The following HACE1 variants were observed in gnomAD, a reference collection of about 807,000 sequenced individuals.
The protein encoded by HACE1 is E3 ubiquitin-protein ligase HACE1.
A neutral mutation model predicts 118.4 loss-of-function variants in HACE1; 73 were observed. That is an observed-to-expected ratio of 0.62 (90% CI 0.51 to 0.75). The LOEUF is 0.75. Among genes scored for constraint, HACE1 ranks in the 30% least tolerant of loss-of-function variants. The pLI is 0.00. For missense variants in HACE1, 749 were observed against 1,102.2 expected (o/e 0.68, Z 4.54); for synonymous variants, 368 against 374.8 (o/e 0.98, Z 0.21).
At chr6:104,836,573 C>T (rs1774562310) in intron 5 of HACE1, among the ~76,000 whole-genome samples, 1 of 152,036 alleles carries the variant, frequency 6.6e-6, no homozygotes, top group South Asian at 2.1e-4. Flanking sequence ...ATCAGCTGGG[C>T]ATGGTGGCAC....
chr6:104,740,919 C>G (rs1462175506), intron 22 of HACE1, among the ~76,000 whole-genome samples: 1 of 125,270 alleles, frequency 8.0e-6, no homozygotes, highest in Non-Finnish European at 1.6e-5. Context: ...CAATAAAATA[C>G]TGGCAAAACG....
chr6:104,859,497 GC>G, intron 1 of HACE1, 69 bp downstream of exon 1: 1 of 1,140,004 alleles, frequency 8.8e-7, no homozygotes, highest in Non-Finnish European at 1.2e-6. Flanking sequence ...CGACCTTGAC[GC>G]GGCCGGAGCT....
In HACE1 at chr6:104,774,817, T is replaced by C. The variant is rs1438365316; in HGVS notation, c.1864+1924A>G. 2.6e-5 allele frequency among the ~76,000 whole-genome samples: 4 copies of C among 152,236 alleles called. 1 individual carries two copies. In the South Asian group the frequency reaches 6.2e-4, roughly 24 times the overall value. ...CCAAAGGACAAATTCATAACAAATA[T>C]ACTATTTCACTACAGTAAGCATCTT... On this transcript the variant is annotated intron_variant, in intron 17 of 23. Coordinates refer to ENST00000262903, the MANE Select transcript of HACE1 (RefSeq NM_020771.4).
At chr6:104,831,979 A>AGAAGAGAAGAGAAGAG (rs370929585) in intron 6 of HACE1, among the ~76,000 whole-genome samples, 600 of 38,646 alleles carry the variant, frequency 0.016, 9 homozygotes, top group Admixed American at 0.02. Flanking sequence ...AGAAGAGAAG[A>AGAAGAGAAGAGAAGAG]GAGGAAGGAA....
intron 22 of HACE1, among the ~76,000 whole-genome samples, chr6:104,733,720 G>A (rs1168049681): frequency 6.6e-6 from 1 of 151,310 alleles, no homozygotes; most frequent in Non-Finnish European, 1.5e-5. Context: ...GAAGTGATGT[G>A]TGCACCTGTA....
chr6:104,843,268 T>C lies in HACE1; in HGVS notation c.357A>G (p.Glu119=), dbSNP rs746858787. 8 of 1,543,744 alleles carry C rather than the reference T, an allele frequency of 5.2e-6. No individual in the cohort carries two copies. Among genetic ancestry groups the C allele is most frequent in the Non-Finnish European group, 5.4e-6 (6 of 1,116,042 alleles). Residue 119 remains glutamate (E), a synonymous_variant, in exon 5 of 24, where the codon GAA becomes GAG. Coordinates refer to ENST00000262903, the MANE Select transcript of HACE1 (RefSeq NM_020771.4). The part of the protein sequence containing the change: ...GQKKCMSKLL[E]YSADVNICNN... ...TACAAATGTTGACATCAGCGCTATA[T>C]TCTAATAATTTACTCATACATTTCT...
At chr6:104,784,054 G>A in intron 14 of HACE1, 32 bp downstream of exon 14, 1 of 1,029,182 alleles carries the variant, frequency 9.7e-7, no homozygotes, top group South Asian at 1.3e-5. Context: ...AATTTCATTA[G>A]ATAGAATAAA....
chr6:104,729,520 A>G lies in HACE1; in HGVS notation c.*142T>C. 1 of 669,922 alleles carries G rather than the reference A, an allele frequency of 1.5e-6. No individual in the cohort carries two copies. Among genetic ancestry groups the G allele is most frequent in the Non-Finnish European group, 2.7e-6 (1 of 368,066 alleles). 41.5% of individuals were successfully genotyped at this position (669,922 alleles called of 1,614,324 possible). On this transcript the variant is annotated 3_prime_UTR_variant, in exon 24 of 24. Transcript: ENST00000262903. ...ATAAAAGGGAAAAGAGAGAAACAGA[A>G]AACCTGATGATCCTTTATAAATTGG...
In HACE1 at chr6:104,852,228, T is replaced by TGTGTGTGTGTGTGTGCGC. The variant is rs142463116; in HGVS notation, c.131+88_131+89insGCGCACACACACACACAC. ...GTGTGTGTGTGTGTGTGTGTGTGTG[T>TGTGTGTGTGTGTGTGCGC]GCGCGCGTGCGCGTGCACGGGCATG... On this transcript the variant is annotated intron_variant, in intron 2 of 23. Coordinates refer to ENST00000262903, the MANE Select transcript of HACE1 (RefSeq NM_020771.4). The TGTGTGTGTGTGTGTGCGC allele has an allele frequency of 6.5e-6, 4 of 612,022 alleles. No homozygotes were observed. In the African/African-American group the frequency reaches 1.0e-4, roughly 16 times the overall value. The allele number at this position is 612,022 out of a possible 1,614,324, so 37.9% of individuals were successfully genotyped here.
At chr6:104,746,420 G>A (rs949475293) in intron 20 of HACE1, among the ~76,000 whole-genome samples, 35 of 152,196 alleles carry the variant, frequency 2.3e-4, no homozygotes, top group African/African-American at 8.2e-4. Flanking sequence ...CCTGCTGGCT[G>A]TCTTGCCAGC....
At chr6:104,733,755 G>A (rs1029478541) in intron 22 of HACE1, among the ~76,000 whole-genome samples, 4 of 151,182 alleles carry the variant, frequency 2.6e-5, no homozygotes, top group Non-Finnish European at 5.9e-5. Flanking sequence ...AAGGAGAATC[G>A]CTTGAACCCA....
intron 1 of HACE1, among the ~76,000 whole-genome samples, chr6:104,853,859 A>G (rs1476464365): frequency 6.6e-6 from 1 of 152,174 alleles, no homozygotes; most frequent in Non-Finnish European, 1.5e-5. Flanking sequence ...AAAACCATGG[A>G]TAGTACCAAA....
chr6:104,735,828 C>A (rs1582568840), intron 22 of HACE1, among the ~76,000 whole-genome samples: 1 of 151,906 alleles, frequency 6.6e-6, no homozygotes, highest in African/African-American at 2.4e-5. Flanking sequence ...GATAGAAGCA[C>A]AAAATATTCC....
In HACE1 at chr6:104,803,194, T is replaced by C. The variant is rs142489874; in HGVS notation, c.618-6169A>G. 1.0e-3 allele frequency among the ~76,000 whole-genome samples: 154 copies of C among 152,304 alleles called. 2 individuals are homozygous for C. The highest frequency in any genetic ancestry group is 7.5e-3 in the South Asian group (36 of 4,832). On this transcript the variant is annotated intron_variant, in intron 7 of 23. Coordinates refer to ENST00000262903, the MANE Select transcript of HACE1 (RefSeq NM_020771.4). ...ATAATAGGCTCTGAAATTGAGGCAATAATTAATAGCCTACCAACCAAAAAA... is the reference window on the plus strand; with the variant it reads ...ATAATAGGCTCTGAAATTGAGGCAACAATTAATAGCCTACCAACCAAAAAA...
At chr6:104,800,767 A>G (rs1432613765) in intron 7 of HACE1, among the ~76,000 whole-genome samples, 1 of 152,244 alleles carries the variant, frequency 6.6e-6, no homozygotes, top group Non-Finnish European at 1.5e-5. Context: ...GAGAAACCAG[A>G]GCAGAAAAGC....
chr6:104,785,998 T>G (rs1341916186), intron 11 of HACE1: 3 of 152,090 alleles, frequency 2.0e-5, no homozygotes, highest in Non-Finnish European at 2.9e-5. Flanking sequence ...ATAATTAGTG[T>G]TTTTTTAAAA....
intron 6 of HACE1, among the ~76,000 whole-genome samples, chr6:104,821,947 C>A (rs1772759066): frequency 6.6e-6 from 1 of 152,124 alleles, no homozygotes; most frequent in Non-Finnish European, 1.5e-5. Flanking sequence ...TATTTTCATG[C>A]CTGTAACCAC....
At position 104,813,505 on chromosome 6, in the gene HACE1, T is replaced by C. The variant is rs562665473; in HGVS notation, c.535-2112A>G. Reference sequence around the variant, plus strand: ...TTTTCCCCTGGGAACATGAGGCAACTTTTTTATTTTCATGACCAGGGAAGG... The same window carrying C: ...TTTTCCCCTGGGAACATGAGGCAACCTTTTTATTTTCATGACCAGGGAAGG... On this transcript the variant is annotated intron_variant, in intron 6 of 23. Coordinates refer to ENST00000262903, the MANE Select transcript of HACE1 (RefSeq NM_020771.4). Among the ~76,000 whole-genome samples the C allele has an allele frequency of 5.1e-5, 7 of 138,532 alleles. 1 individual carries two copies. The East Asian group carries it at 1.5e-3, about 30-fold the overall frequency. The allele number at this position is 138,532 out of a possible 152,430, so 90.9% of individuals were successfully genotyped here. A position where few individuals can be genotyped will look rare whatever the true frequency, so the allele number is the denominator to read the frequency against.
intron 11 of HACE1, chr6:104,785,625 TAGTTTTAA>T: frequency 3.1e-6 from 1 of 326,026 alleles, no homozygotes; most frequent in Admixed American, 4.6e-5. Flanking sequence ...TTCAAATGTT[TAGTTTTAA>T]AAGCACACAT....
Sources: gnomAD v4.1 joint callset for allele counts (sites outside exome capture counted in the v4.1 genomes callset) on GRCh38, gnomAD v4.1.1 for gene constraint, MANE v1.5 for transcripts, NCBI Gene and HGNC (gene_info 2026-07-23, HGNC 2026-07-21) for gene names.